EFCAB11: variants seen among roughly 807,000 people sequenced by gnomAD.
EFCAB11 encodes EF-hand calcium binding domain 11.
Under a neutral mutation model 23.0 loss-of-function variants are expected in EFCAB11, and 14 were observed. That is an observed-to-expected ratio of 0.61 (90% confidence interval 0.40 to 0.95). The LOEUF is 0.95. EFCAB11 is among the 40% of genes least tolerant of loss of function. EFCAB11 has a pLI of 0.00. For synonymous variants in EFCAB11, 65 were observed against 66.6 expected, an observed-to-expected ratio of 0.98 and a Z score of 0.11; for missense variants, 198 against 195.8, an observed-to-expected ratio of 1.01 and a Z score of -0.07.
At chr14:89,858,717 C>G (rs1887831296) in intron 5 of EFCAB11, among the ~76,000 whole-genome samples, 1 of 129,616 alleles carries the variant, frequency 7.7e-6, no homozygotes, top group Non-Finnish European at 1.5e-5. Flanking sequence ...CCAGGCTGGT[C>G]TCCAACTTCT....
chr14:89,863,075 C>T (rs1887977994), intron 5 of EFCAB11, among the ~76,000 whole-genome samples: 1 of 151,576 alleles, frequency 6.6e-6, no homozygotes, highest in South Asian at 2.1e-4. Flanking sequence ...AAAAGGAATT[C>T]ACAGCCACCT....
chr14:89,873,688 A>G (rs1182410941), intron 5 of EFCAB11, among the ~76,000 whole-genome samples: 2 of 152,114 alleles, frequency 1.3e-5, no homozygotes, highest in Non-Finnish European at 2.9e-5. Flanking sequence ...GCCCCATGCA[A>G]CTCCTAAATC....
chr14:89,853,218 G>T (rs1025278584), intron 5 of EFCAB11, among the ~76,000 whole-genome samples: 1 of 152,192 alleles, frequency 6.6e-6, no homozygotes, highest in Non-Finnish European at 1.5e-5. Flanking sequence ...CAGCTAATTG[G>T]AGTAGAAGTG....
chr14:89,897,527 A>G (rs1206674971), intron 5 of EFCAB11, among the ~76,000 whole-genome samples: 1 of 152,156 alleles, frequency 6.6e-6, no homozygotes, highest in African/African-American at 2.4e-5. Flanking sequence ...TTTTTAAAGC[A>G]CGGGAATAAT....
intron 5 of EFCAB11, among the ~76,000 whole-genome samples, chr14:89,803,688 C>T (rs1262477895): frequency 6.6e-6 from 1 of 152,142 alleles, no homozygotes; most frequent in African/African-American, 2.4e-5. Context: ...ACTGACTGAA[C>T]AGTGAAAGTA....
At chr14:89,940,177 T>G (rs1007806596) in intron 3 of EFCAB11, among the ~76,000 whole-genome samples, 1 of 152,224 alleles carries the variant, frequency 6.6e-6, no homozygotes, top group African/African-American at 2.4e-5. Flanking sequence ...CTGTAGGAGA[T>G]TCCATAAAAT....
intron 5 of EFCAB11, among the ~76,000 whole-genome samples, chr14:89,820,191 T>C (rs1444457384): frequency 6.6e-6 from 1 of 152,268 alleles, no homozygotes; most frequent in East Asian, 1.9e-4. Flanking sequence ...AAGAAAGGGA[T>C]TACAGGTGTT....
intron 2 of EFCAB11, among the ~76,000 whole-genome samples, chr14:89,950,745 A>C (rs1027599918): frequency 6.6e-6 from 1 of 152,154 alleles, no homozygotes; most frequent in Non-Finnish European, 1.5e-5. Context: ...CACTGTTACA[A>C]GGGCTTTATA....
chr14:89,821,459 C>G (rs1478899830), intron 5 of EFCAB11, among the ~76,000 whole-genome samples: 1 of 152,092 alleles, frequency 6.6e-6, no homozygotes, highest in Non-Finnish European at 1.5e-5. Flanking sequence ...AGCTGTAATA[C>G]CATATGGCTC....
intron 5 of EFCAB11, among the ~76,000 whole-genome samples, chr14:89,832,201 T>G (rs1886909032): frequency 6.6e-6 from 1 of 152,128 alleles, no homozygotes; most frequent in South Asian, 2.1e-4. Flanking sequence ...TAATTTCAGC[T>G]ACTTGGGAGG....
intron 1 of EFCAB11, chr14:89,954,298 A>C: frequency 6.7e-7 from 1 of 1,501,574 alleles, no homozygotes; most frequent in Non-Finnish European, 9.0e-7. Flanking sequence ...TGGAGTTAGG[A>C]AGGTGAGGCA....
intron 5 of EFCAB11, among the ~76,000 whole-genome samples, chr14:89,903,116 C>G (rs977541480): frequency 6.6e-6 from 1 of 152,204 alleles, no homozygotes; most frequent in Non-Finnish European, 1.5e-5. Context: ...TCCTACATGT[C>G]TAGTAGAATT....
chr14:89,911,026 GGATC>G (rs1223513582), intron 5 of EFCAB11, among the ~76,000 whole-genome samples: 2 of 152,172 alleles, frequency 1.3e-5, no homozygotes, highest in African/African-American at 4.8e-5. Flanking sequence ...CACACACTAT[GGATC>G]AGGCTTGGAG....
At chr14:89,928,186 T>C (rs186679490) in intron 5 of EFCAB11, among the ~76,000 whole-genome samples, 1 of 152,318 alleles carries the variant, frequency 6.6e-6, no homozygotes, top group East Asian at 1.9e-4. Context: ...ACAAGATTTG[T>C]GGGCATATAC....
At chr14:89,911,138 G>A (rs1183967299) in intron 5 of EFCAB11, among the ~76,000 whole-genome samples, 1 of 152,200 alleles carries the variant, frequency 6.6e-6, no homozygotes, top group African/African-American at 2.4e-5. Flanking sequence ...ATAAATAGAA[G>A]TGAAGTCCAA....
chr14:89,942,749 G>A (rs1890834720), intron 3 of EFCAB11, among the ~76,000 whole-genome samples: 1 of 152,078 alleles, frequency 6.6e-6, no homozygotes, highest in South Asian at 2.1e-4. Flanking sequence ...AACATCATTA[G>A]CACCTTTCTG....
intron 5 of EFCAB11, among the ~76,000 whole-genome samples, chr14:89,823,165 G>A (rs186941193): frequency 1.3e-5 from 2 of 152,238 alleles, no homozygotes; most frequent in East Asian, 3.9e-4. Flanking sequence ...GAGACTCAAA[G>A]CCCAAGAAGA....
At chr14:89,851,614 T>G (rs1395008317) in intron 5 of EFCAB11, among the ~76,000 whole-genome samples, 1 of 152,146 alleles carries the variant, frequency 6.6e-6, no homozygotes, top group Non-Finnish European at 1.5e-5. Context: ...CATTGACAAT[T>G]TGGGGCAAAG....
intron 5 of EFCAB11, among the ~76,000 whole-genome samples, chr14:89,856,334 G>A (rs996051322): frequency 1.2e-4 from 18 of 151,840 alleles, no homozygotes; most frequent in African/African-American, 2.7e-4. Context: ...GACTACAGGC[G>A]CGTGCCACCA....
Sources: allele counts gnomAD v4.1 joint callset (sites outside exome capture counted in the v4.1 genomes callset), GRCh38; gene constraint gnomAD v4.1.1; transcripts MANE v1.5; gene names NCBI Gene and HGNC (gene_info 2026-07-23, HGNC 2026-07-21).